DMXL1: variants seen among roughly 807,000 people sequenced by gnomAD.
DMXL1 encodes the protein dmX-like protein 1.
In DMXL1, 99 loss-of-function variants were observed where a neutral mutation model predicts 319.2. The ratio of observed to expected loss-of-function variants is 0.31; its 90% CI spans 0.26 to 0.37. DMXL1 has a LOEUF of 0.37. DMXL1 is among the 10% of genes least tolerant of loss of function. The pLI is 1.00. For missense variants in DMXL1, 3,745 were observed against 3,595.6 expected (o/e 1.04, Z -1.06); for synonymous variants, 1,385 against 1,235.2 (o/e 1.12, Z -2.54).
intron 32 of DMXL1, among the ~76,000 whole-genome samples, chr5:119,202,802 G>C (rs1252995361): frequency 2.0e-5 from 3 of 148,862 alleles, no homozygotes; most frequent in Non-Finnish European, 4.4e-5. Context: ...AGTGAGCCAA[G>C]ATCGCCCTGT....
chr5:119,138,754 T>G (rs1426612535), intron 13 of DMXL1: 1 of 152,200 alleles, frequency 6.6e-6, no homozygotes, highest in African/African-American at 2.4e-5. Context: ...GGAGAATCAC[T>G]TGAAACTGGG....
At chr5:119,123,400 GGAGGGA>G (rs1762735007) in intron 9 of DMXL1, among the ~76,000 whole-genome samples, 2 of 63,464 alleles carry the variant, frequency 3.2e-5, no homozygotes, top group South Asian at 7.9e-4. Flanking sequence ...GAGAGGAGGG[GGAGGGA>G]GAGGGAGAGG....
At chr5:119,220,185 G>A (rs897405896) in intron 35 of DMXL1, among the ~76,000 whole-genome samples, 2 of 151,960 alleles carry the variant, frequency 1.3e-5, no homozygotes, top group Non-Finnish European at 2.9e-5. Flanking sequence ...GCATACCTTA[G>A]AGCGATCATA....
chr5:119,095,195 A>G (rs76429449), intron 1 of DMXL1, among the ~76,000 whole-genome samples: 1,795 of 152,320 alleles, frequency 0.012, 36 homozygotes, highest in South Asian at 0.096. Flanking sequence ...TACCAAGACT[A>G]CGGAGACAGC....
chr5:119,090,060 G>T (rs1380262685), intron 1 of DMXL1, among the ~76,000 whole-genome samples: 1 of 102,116 alleles, frequency 9.8e-6, no homozygotes, highest in Non-Finnish European at 1.8e-5. Flanking sequence ...CGCTCTTGTC[G>T]CCCATGCTGG....
intron 1 of DMXL1, among the ~76,000 whole-genome samples, chr5:119,090,407 T>G (rs1754494388): frequency 6.6e-6 from 1 of 152,114 alleles, no homozygotes; most frequent in Non-Finnish European, 1.5e-5. Context: ...TCTGAAGTTT[T>G]AGAAAGTTTT....
chr5:119,072,854 G>T (rs988345206), intron 1 of DMXL1, among the ~76,000 whole-genome samples: 1 of 152,044 alleles, frequency 6.6e-6, no homozygotes, highest in African/African-American at 2.4e-5. Flanking sequence ...CTGAATACTT[G>T]GGAAAAGAGT....
At chr5:119,200,455 T>G (rs1780491724) in intron 32 of DMXL1, among the ~76,000 whole-genome samples, 1 of 152,128 alleles carries the variant, frequency 6.6e-6, no homozygotes, top group Non-Finnish European at 1.5e-5. Flanking sequence ...GTACCAATAC[T>G]GTTCTGTTTT....
chr5:119,111,276 C>T (rs550526805), intron 5 of DMXL1, among the ~76,000 whole-genome samples: 1 of 152,110 alleles, frequency 6.6e-6, no homozygotes, highest in Non-Finnish European at 1.5e-5. Context: ...AGTATGGTAG[C>T]CACTAATTAC....
chr5:119,088,942 C>T (rs935241036), intron 1 of DMXL1, among the ~76,000 whole-genome samples: 1 of 151,812 alleles, frequency 6.6e-6, no homozygotes, highest in African/African-American at 2.4e-5. Flanking sequence ...CTAGATTTGT[C>T]TGTGACTTAA....
chr5:119,114,732 G>C (rs1409322535), intron 6 of DMXL1, among the ~76,000 whole-genome samples, 191 bp downstream of exon 6: 2 of 152,064 alleles, frequency 1.3e-5, no homozygotes, highest in African/African-American at 2.4e-5. Context: ...GCAGTGGCAC[G>C]ATCTCGGCTC....
At chr5:119,107,392 G>T (rs887748610) in intron 4 of DMXL1, among the ~76,000 whole-genome samples, 1 of 152,044 alleles carries the variant, frequency 6.6e-6, no homozygotes, top group African/African-American at 2.4e-5. Context: ...ATCAGAGAGA[G>T]ATATAAAACT....
Position 119,246,978 on chromosome 5 carries a change from TTCTTAATA to T in DMXL1, c.8923-12_8923-5del. ...ATCATCAACCCTAATTTTCCGTTTGTTCTTAATATCTTTCAGATTTGGAGTCTCTCTAC... is the reference window on the plus strand; with the variant it reads ...ATCATCAACCCTAATTTTCCGTTTGTTCTTTCAGATTTGGAGTCTCTCTAC... On this transcript the variant is annotated splice_polypyrimidine_tract_variant and intron_variant, in intron 43 of 43. Coordinates refer to ENST00000539542, the MANE Select transcript of DMXL1 (RefSeq NM_001290321.3). 1 of 1,572,888 alleles carries T rather than the reference TTCTTAATA, an allele frequency of 6.4e-7. No individual in the cohort carries two copies. Among genetic ancestry groups the T allele is most frequent in the Non-Finnish European group, 8.7e-7 (1 of 1,152,778 alleles).
chr5:119,194,523 G>A (rs927510822), intron 30 of DMXL1, among the ~76,000 whole-genome samples: 7 of 132,102 alleles, frequency 5.3e-5, no homozygotes, highest in African/African-American at 8.8e-5. Flanking sequence ...CATCTAAAAC[G>A]TGTATGTTTT....
intron 26 of DMXL1, among the ~76,000 whole-genome samples, chr5:119,177,128 T>C (rs1413406658): frequency 6.6e-6 from 1 of 152,144 alleles, no homozygotes; most frequent in Non-Finnish European, 1.5e-5. Flanking sequence ...TTTAGTTTTC[T>C]CATTTGTACT....
chr5:119,122,147 C>CACCTCCCT (rs1292209079), intron 9 of DMXL1, among the ~76,000 whole-genome samples: 1 of 134,230 alleles, frequency 7.4e-6, no homozygotes, highest in African/African-American at 2.8e-5. Flanking sequence ...CTGACCCCCC[C>CACCTCCCT]ACCTCCCTCC....
chr5:119,121,729 C>T (rs986545286), intron 9 of DMXL1, among the ~76,000 whole-genome samples: 1 of 152,268 alleles, frequency 6.6e-6, no homozygotes, highest in African/African-American at 2.4e-5. Flanking sequence ...CTTTTCCCCA[C>T]CTTTCCACCC....
intron 35 of DMXL1, among the ~76,000 whole-genome samples, chr5:119,217,888 G>T (rs1449450254): frequency 6.6e-6 from 1 of 152,020 alleles, no homozygotes; most frequent in Admixed American, 6.6e-5. Context: ...TATCTTTGTT[G>T]TTCTGTGTGC....
intron 1 of DMXL1, chr5:119,081,655 A>G (rs1752213559): frequency 1.0e-6 from 1 of 985,294 alleles, no homozygotes; most frequent in Non-Finnish European, 1.2e-6. Flanking sequence ...CCGCAGAAAC[A>G]AAGATTGAAG....
Sources: gnomAD v4.1 joint callset for allele counts (sites outside exome capture counted in the v4.1 genomes callset) on GRCh38, gnomAD v4.1.1 for gene constraint, MANE v1.5 for transcripts, NCBI Gene and HGNC (gene_info 2026-07-23, HGNC 2026-07-21) for gene names.